RAD9A: variants seen among roughly 807,000 people sequenced by gnomAD.
RAD9A encodes the protein RAD9 checkpoint clamp component A.
In RAD9A, 25 loss-of-function variants were observed where a neutral mutation model predicts 41.2. The observed-to-expected ratio is 0.61, with a 90% CI of 0.44 to 0.85. The LOEUF is 0.85. RAD9A is among the 40% of genes least tolerant of loss of function. RAD9A has a pLI of 0.00. For synonymous variants in RAD9A, 252 were observed against 210.6 expected (o/e 1.20, Z -1.70); for missense variants, 514 against 518.3 (o/e 0.99, Z 0.08).
chr11:67,397,368 G>C lies in RAD9A; in HGVS notation c.1062G>C (p.Gly354=), dbSNP rs1862741299. The C allele has an allele frequency of 6.2e-7, 1 of 1,603,526 alleles. No individual in the cohort carries two copies. The highest frequency in any genetic ancestry group is 1.3e-5 in the African/African-American group (1 of 74,460). ...EDEAEPSTVP[G]TPPPKKFRSL... Reference sequence around the variant, plus strand: ...AGGCTGAGCCCAGTACAGTGCCTGGGACTCCCCCACCCAAGAAGGTAGGGA... The same window carrying C: ...AGGCTGAGCCCAGTACAGTGCCTGGCACTCCCCCACCCAAGAAGGTAGGGA... The change falls in exon 10 of 11, where the codon GGG becomes GGC. Residue 354 remains glycine, a synonymous_variant. Coordinates refer to ENST00000307980, the MANE Select transcript of RAD9A (RefSeq NM_004584.3).
At chr11:67,395,687 T>G in intron 5 of RAD9A, 29 bp from the exon 6 acceptor site, 3 of 1,532,734 alleles carry the variant, frequency 2.0e-6, no homozygotes, top group Non-Finnish European at 2.7e-6. Context: ...GGGCCAGGCA[T>G]TTCGGGTAAT....
Position 67,392,237 on chromosome 11 carries a change from G to T in RAD9A, c.105+6G>T. ...TGGAACCCTTGGAGGACGGGGTGAG[G>T]GGCTAGGGTGTGGGGGGCGGGTGGG... On this transcript the variant is annotated splice_donor_region_variant and intron_variant, in intron 2 of 10. Transcript: ENST00000307980. 6.3e-7 allele frequency: 1 copy of T among 1,586,288 alleles called. No homozygotes were observed. The highest frequency in any genetic ancestry group is 8.6e-7 in the Non-Finnish European group (1 of 1,161,322).
intron 2 of RAD9A, 98 bp downstream of exon 2, chr11:67,392,329 G>A: frequency 2.7e-6 from 3 of 1,124,656 alleles, no homozygotes; most frequent in Non-Finnish European, 3.7e-6. Context: ...ACCGCTGGCA[G>A]ATTTGTCGGC....
At chr11:67,396,527 C>G (rs1345947963) in intron 9 of RAD9A, 127 bp downstream of exon 9, 2 of 1,251,238 alleles carry the variant, frequency 1.6e-6, no homozygotes, top group Non-Finnish European at 2.2e-6. Context: ...CTATCAGGCC[C>G]CAGCCCCTAA....
chr11:67,397,123 G>A, intron 9 of RAD9A, 56 bp from the exon 10 acceptor site: 1 of 1,396,256 alleles, frequency 7.2e-7, no homozygotes, highest in Admixed American at 1.7e-5. Context: ...CCTCCAAGGT[G>A]GGGCCCTGCC....
chr11:67,392,827 C>G (rs1352787461), intron 3 of RAD9A, 45 bp downstream of exon 3: 1 of 1,603,962 alleles, frequency 6.2e-7, no homozygotes. Context: ...CCCCAGGAAT[C>G]TCCACCAGCT....
In RAD9A at chr11:67,397,585, G is replaced by C; in HGVS notation, c.*26G>C. The C allele has an allele frequency of 1.3e-6, 2 of 1,553,516 alleles. No homozygotes were observed. The highest frequency in any genetic ancestry group is 1.7e-5 in the Admixed American group (1 of 59,122). Reference sequence around the variant, plus strand: ...ACCAAGAACCTGAAGCCTGTACCCAGAGGCCTTGGACTAGACGAAGCCCCA... The same window carrying C: ...ACCAAGAACCTGAAGCCTGTACCCACAGGCCTTGGACTAGACGAAGCCCCA... On this transcript the variant is annotated 3_prime_UTR_variant, in exon 11 of 11. Coordinates refer to ENST00000307980, the MANE Select transcript of RAD9A (RefSeq NM_004584.3).
At chr11:67,397,092 G>GC (rs1862726871) in intron 9 of RAD9A, 87 bp from the exon 10 acceptor site, 1 of 1,001,720 alleles carries the variant, frequency 1.0e-6, no homozygotes, top group African/African-American at 1.6e-5. Context: ...GTGGTCGGGG[G>GC]CCCCAGAGCT....
Position 67,396,343 on chromosome 11 carries a change from C to A in RAD9A, c.815C>A (p.Ser272Tyr). Reference protein sequence around the residue: ...LATLSDTDSHSQDLGSPERHQ... With the variant: ...LATLSDTDSHYQDLGSPERHQ... The stretch of plus-strand genomic sequence containing the variant: ...ACACTCTCAGACACCGACTCGCACT[C>A]CCAGGACCTGGGCTCCCCAGAGCGT... The change falls in exon 9 of 11, where the codon TCC (serine) becomes TAC (tyrosine). Residue 272 changes from serine to tyrosine, a missense_variant. Ser to Tyr is a moderately radical substitution (Grantham distance 144). Coordinates refer to ENST00000307980, the MANE Select transcript of RAD9A (RefSeq NM_004584.3). 1 of 1,614,070 alleles carries A rather than the reference C, an allele frequency of 6.2e-7. No homozygotes were observed. The highest frequency in any genetic ancestry group is 1.3e-5 in the African/African-American group (1 of 75,030).
chr11:67,397,093 C>A, intron 9 of RAD9A, 86 bp from the exon 10 acceptor site: 2 of 1,033,926 alleles, frequency 1.9e-6, no homozygotes, highest in Non-Finnish European at 2.9e-6. Context: ...TGGTCGGGGG[C>A]CCCAGAGCTC....
At chr11:67,393,404 A>C (rs1862589509) in intron 3 of RAD9A, 92 bp from the exon 4 acceptor site, 6 of 1,531,288 alleles carry the variant, frequency 3.9e-6, no homozygotes, top group Non-Finnish European at 4.4e-6. Flanking sequence ...CCAGAGTTAC[A>C]TGCTGGGCCC....
At chr11:67,393,668 C>T (rs1226207994) in intron 4 of RAD9A, 23 bp from the exon 5 acceptor site, 2 of 1,612,794 alleles carry the variant, frequency 1.2e-6, no homozygotes, top group South Asian at 2.2e-5. Context: ...GCGAGGCCCA[C>T]TGAGACCCTA....
rs1468054529 is a variant in RAD9A, at chr11:67,398,365, G to T, written c.*806G>T. ...GGTGCAGGCAGGAAGCAGCCCTGGG[G>T]GACTGGACGCTGCTATTGATTCATT... is the stretch of plus-strand genomic sequence containing the variant. On this transcript the variant is annotated 3_prime_UTR_variant, in exon 11 of 11. Transcript: ENST00000307980. The T allele has an allele frequency of 4.4e-6, 3 of 687,204 alleles. No homozygotes were observed. Among genetic ancestry groups the T allele is most frequent in the South Asian group, 1.9e-5 (1 of 51,858 alleles). The allele number at this position is 687,204 out of a possible 1,614,324, so 42.6% of individuals were successfully genotyped here. A position where few individuals can be genotyped will look rare whatever the true frequency, so the allele number is the denominator to read the frequency against.
At position 67,397,474 on chromosome 11, in the gene RAD9A, T is replaced by G; in HGVS notation, c.1091T>G (p.Leu364Arg). The G allele has an allele frequency of 6.2e-7, 1 of 1,611,596 alleles. No individual in the cohort carries two copies. Among genetic ancestry groups the G allele is most frequent in the Non-Finnish European group, 8.5e-7 (1 of 1,178,062 alleles). ...TTGTTCTCTTTCCAGTTCCGCTCAC[T>G]GTTCTTCGGCTCCATCCTGGCCCCT... ...GTPPPKKFRS[L>R]FFGSILAPVR... Residue 364 changes from leucine to arginine, a missense_variant, in exon 11 of 11, where the codon CTG (leucine) becomes CGG (arginine). Transcript: ENST00000307980.
rs1170320011 is a variant in RAD9A, at chr11:67,392,704, C to G, written c.156C>G (p.Leu52=). Residue 52 remains leucine (L), a synonymous_variant, in exon 3 of 11, where the codon CTC becomes CTG. Transcript: ENST00000307980. ...NSSRSAYACF[L]FAPLFFQQYQ... ...CCCGCTCTGCCTATGCCTGCTTTCT[C>G]TTTGCCCCGCTCTTCTTCCAGCAAT... 6 of 1,613,956 alleles carry G rather than the reference C, an allele frequency of 3.7e-6. No homozygotes were observed. The highest frequency in any genetic ancestry group is 4.2e-6 in the Non-Finnish European group (5 of 1,179,964).
rs766588338 is a variant in RAD9A, at chr11:67,397,468, G to A, written c.1085G>A (p.Arg362His). Residue 362 changes from arginine to histidine, a missense_variant, in exon 11 of 11, where the codon CGC (arginine) becomes CAC (histidine). By Grantham distance (29) the Arg-to-His change is conservative. Coordinates refer to ENST00000307980, the MANE Select transcript of RAD9A (RefSeq NM_004584.3). ...VPGTPPPKKF[R>H]SLFFGSILAP... ...ACTCACTTGTTCTCTTTCCAGTTCCGCTCACTGTTCTTCGGCTCCATCCTG... is the reference window on the plus strand; with the variant it reads ...ACTCACTTGTTCTCTTTCCAGTTCCACTCACTGTTCTTCGGCTCCATCCTG... The A allele has an allele frequency of 9.3e-6, 15 of 1,610,260 alleles. No homozygotes were observed. Among genetic ancestry groups the A allele is most frequent in the Admixed American group, 3.3e-5 (2 of 59,934 alleles).
In RAD9A at chr11:67,397,710, C is replaced by T. The variant is rs988462859; in HGVS notation, c.*151C>T. The T allele has an allele frequency of 2.8e-5, 20 of 715,734 alleles. No individual in the cohort carries two copies. Among genetic ancestry groups the T allele is most frequent in the Non-Finnish European group, 3.4e-5 (15 of 440,560 alleles). The allele number at this position is 715,734 out of a possible 1,614,324, so 44.3% of individuals were successfully genotyped here. ...CCTCTCGCAGGCCCCAGCTGGCTGT[C>T]ACTGTAAAGCTGTCCCACAGCGGTC... is the stretch of plus-strand genomic sequence containing the variant. On this transcript the variant is annotated 3_prime_UTR_variant, in exon 11 of 11. Coordinates refer to ENST00000307980, the MANE Select transcript of RAD9A (RefSeq NM_004584.3).
chr11:67,391,987 G>A lies in RAD9A; in HGVS notation c.-58G>A. 6.5e-7 allele frequency: 1 copy of A among 1,526,854 alleles called. No homozygotes were observed. Among genetic ancestry groups the A allele is most frequent in the Non-Finnish European group, 8.8e-7 (1 of 1,139,518 alleles). 94.6% of individuals were successfully genotyped at this position (1,526,854 alleles called of 1,614,324 possible). ...GGGCGGTGCGCGGGAAGGGACCCCG[G>A]ACCCGGAGGTCGCGGAGAGCTGGGC... On this transcript the variant is annotated 5_prime_UTR_variant, in exon 1 of 11. Coordinates refer to ENST00000307980, the MANE Select transcript of RAD9A (RefSeq NM_004584.3).
chr11:67,396,541 T>C, intron 9 of RAD9A, 141 bp downstream of exon 9: 1 of 1,104,458 alleles, frequency 9.1e-7, no homozygotes, highest in Non-Finnish European at 1.3e-6. Flanking sequence ...CCCCTAACCC[T>C]ATAGTGCTCA....
Sources: gnomAD v4.1 joint callset for allele counts on GRCh38, gnomAD v4.1.1 for gene constraint, MANE v1.5 for transcripts, NCBI Gene and HGNC (gene_info 2026-07-23, HGNC 2026-07-21) for gene names.